Variants in BPIFB1 observed in about 807,000 individuals in gnomAD.
BPIFB1 encodes the protein BPI fold-containing family B member 1.
A neutral mutation model predicts 55.1 loss-of-function variants in BPIFB1; 34 were observed. That is an observed-to-expected ratio of 0.62 (90% CI 0.47 to 0.82). BPIFB1 has a LOEUF of 0.82. BPIFB1 is among the 40% of genes least tolerant of loss of function. The pLI is 0.00. For synonymous variants in BPIFB1, 236 were observed against 245.3 expected (o/e 0.96, Z 0.35); for missense variants, 532 against 593.1 (o/e 0.90, Z 1.07).
chr20:33,288,347 T>C (rs893683102), intron 2 of BPIFB1, among the ~76,000 whole-genome samples: 1 of 152,164 alleles, frequency 6.6e-6, no homozygotes. Context: ...TTAACAAGTG[T>C]GCTTTGGCAG....
At chr20:33,304,713 G>C in intron 12 of BPIFB1, 133 bp from the exon 13 acceptor site, 1 of 955,564 alleles carries the variant, frequency 1.0e-6, no homozygotes, top group Non-Finnish European at 1.6e-6. Context: ...CACGACGCAA[G>C]GGCTTCATGT....
intron 3 of BPIFB1, among the ~76,000 whole-genome samples, chr20:33,289,295 C>T (rs910240722): frequency 5.3e-5 from 8 of 150,816 alleles, no homozygotes; most frequent in Non-Finnish European, 8.8e-5. Flanking sequence ...GCAGGAGAAT[C>T]GCTTGAACCT....
At chr20:33,296,895 G>A (rs1257430745) in intron 6 of BPIFB1, among the ~76,000 whole-genome samples, 1 of 152,200 alleles carries the variant, frequency 6.6e-6, no homozygotes, top group Non-Finnish European at 1.5e-5. Flanking sequence ...GTAGCAACTT[G>A]CTGTATGAAT....
rs948391531 is a variant in BPIFB1, at chr20:33,306,840, C to A, written c.1319-71C>A. ...CCAGGCCGGGGCTCCCCTTCAGGAACCCTGAGCCTGCCCCTGGCTGCCCAG... is the reference window on the plus strand; with the variant it reads ...CCAGGCCGGGGCTCCCCTTCAGGAAACCTGAGCCTGCCCCTGGCTGCCCAG... On this transcript the variant is annotated intron_variant, in intron 14 of 15. Coordinates refer to ENST00000253354, the MANE Select transcript of BPIFB1 (RefSeq NM_033197.3). 5 of 1,350,292 alleles carry A rather than the reference C, an allele frequency of 3.7e-6. No homozygotes were observed. The East Asian group carries it at 9.2e-5, about 25-fold the overall frequency. 83.6% of individuals were successfully genotyped at this position (1,350,292 alleles called of 1,614,324 possible).
rs1050147599 is a variant in BPIFB1 at position 33,290,107 on chromosome 20, G to A, written c.365+115G>A. 5.0e-6 allele frequency: 4 copies of A among 795,302 alleles called. No homozygotes were observed. The African/African-American group carries it at 6.8e-5, about 14-fold the overall frequency. 49.3% of individuals were successfully genotyped at this position (795,302 alleles called of 1,614,324 possible). On this transcript the variant is annotated intron_variant, in intron 4 of 15. Transcript: ENST00000253354. ...AAGAGAGTTCCGAGCAGAGAGAAGA[G>A]CAAGTGCAGAGGCCCTGTGGCAGCA...
chr20:33,297,699 GC>G, intron 7 of BPIFB1, 111 bp downstream of exon 7: 2 of 1,126,700 alleles, frequency 1.8e-6, no homozygotes, highest in Non-Finnish European at 2.7e-6. Context: ...TGCAACTCAG[GC>G]CCAGAAGCAG....
At position 33,309,833 on chromosome 20, in the gene BPIFB1, G is replaced by C; in HGVS notation, c.*66G>C. The C allele has an allele frequency of 3.6e-6, 5 of 1,399,434 alleles. No individual in the cohort carries two copies. Among genetic ancestry groups the C allele is most frequent in the Non-Finnish European group, 5.1e-6 (5 of 987,342 alleles). The allele number at this position is 1,399,434 out of a possible 1,614,324, so 86.7% of individuals were successfully genotyped here. A position where few individuals can be genotyped will look rare whatever the true frequency, so the allele number is the denominator to read the frequency against. On this transcript the variant is annotated 3_prime_UTR_variant, in exon 16 of 16. Transcript: ENST00000253354. The surrounding 1 kb of genome is among the most constrained non-coding windows in gnomAD (Gnocchi z 4.4). Reference sequence around the variant, plus strand: ...TGGGAGTATGGGTGTGAGCTCTATAGACCATCCCTCTCTGCAATCAATAAA... The same window carrying C: ...TGGGAGTATGGGTGTGAGCTCTATACACCATCCCTCTCTGCAATCAATAAA...
intron 12 of BPIFB1, among the ~76,000 whole-genome samples, 172 bp from the exon 13 acceptor site, chr20:33,304,674 C>T (rs889954617): frequency 1.5e-4 from 23 of 152,166 alleles, no homozygotes; most frequent in African/African-American, 2.9e-4. Context: ...ATGCCCCCCA[C>T]CCCACCCCTG....
intron 7 of BPIFB1, among the ~76,000 whole-genome samples, chr20:33,298,345 G>T (rs1980721077): frequency 6.6e-6 from 1 of 152,192 alleles, no homozygotes; most frequent in South Asian, 2.1e-4. Flanking sequence ...AGCAGATACG[G>T]GAGGGCACAG....
At chr20:33,289,408 A>AC in intron 3 of BPIFB1, among the ~76,000 whole-genome samples, 1 of 151,018 alleles carries the variant, frequency 6.6e-6, no homozygotes, top group East Asian at 1.9e-4. Flanking sequence ...AAAAAAAAAA[A>AC]CAACCCAGAG....
chr20:33,299,840 A>G, intron 7 of BPIFB1, 59 bp from the exon 8 acceptor site: 3 of 1,288,094 alleles, frequency 2.3e-6, no homozygotes, highest in African/African-American at 1.5e-5. Flanking sequence ...CAGCCCCCCA[A>G]CTTCCCCCTC....
intron 4 of BPIFB1, among the ~76,000 whole-genome samples, 158 bp from the exon 5 acceptor site, chr20:33,290,799 G>A (rs1053367588): frequency 3.3e-5 from 5 of 152,246 alleles, no homozygotes; most frequent in African/African-American, 1.2e-4. Flanking sequence ...TGAAAACTGA[G>A]CCTGGGACAT....
intron 4 of BPIFB1, 114 bp from the exon 5 acceptor site, chr20:33,290,843 C>A: frequency 5.1e-6 from 6 of 1,186,528 alleles, no homozygotes; most frequent in Non-Finnish European, 7.0e-6. Context: ...TGAGGAGAAA[C>A]CAGCAAAGGA....
chr20:33,285,449 C>T (rs1980233291), intron 1 of BPIFB1, among the ~76,000 whole-genome samples: 1 of 151,628 alleles, frequency 6.6e-6, no homozygotes, highest in Non-Finnish European at 1.5e-5. Context: ...CGCGGTGGCT[C>T]ACGCCTGTAA....
intron 7 of BPIFB1, among the ~76,000 whole-genome samples, chr20:33,299,568 C>T (rs1163701777): frequency 1.3e-5 from 2 of 152,214 alleles, no homozygotes; most frequent in African/African-American, 2.4e-5. Context: ...CGACTGGGTT[C>T]CCATGCTCTC....
intron 4 of BPIFB1, 85 bp from the exon 5 acceptor site, chr20:33,290,871 AG>A: frequency 1.4e-6 from 2 of 1,446,786 alleles, no homozygotes; most frequent in Non-Finnish European, 9.4e-7. Flanking sequence ...GAAGGAGGTG[AG>A]GGCTGGAAGA....
chr20:33,302,479 G>A lies in BPIFB1; in HGVS notation c.981+67G>A, dbSNP rs1166319560. The A allele has an allele frequency of 5.2e-6, 8 of 1,536,578 alleles. No individual in the cohort carries two copies. The East Asian group carries it at 1.6e-4, about 30-fold the overall frequency. On this transcript the variant is annotated intron_variant, in intron 10 of 15. Coordinates refer to ENST00000253354, the MANE Select transcript of BPIFB1 (RefSeq NM_033197.3). ...TGGTCTGGACACAGGCCTCTGGGGAGGAGAATCTAGTGGGACTAGTGTTTC... is the reference window on the plus strand; with the variant it reads ...TGGTCTGGACACAGGCCTCTGGGGAAGAGAATCTAGTGGGACTAGTGTTTC...
At chr20:33,307,212 C>A in intron 15 of BPIFB1, 2 of 450,492 alleles carry the variant, frequency 4.4e-6, no homozygotes, top group East Asian at 7.1e-5. Flanking sequence ...ACCCCCTTGT[C>A]ATTCATTCAT....
In BPIFB1 at chr20:33,286,163, C is replaced by A. The variant is rs746658596; in HGVS notation, c.90C>A (p.Ile30=). ...QATLSPTAVL[I]LGPKVIKEKL... ...CCCTCAGTCCCACTGCAGTTCTCAT[C>A]CTCGGCCCAAAAGTCATCAAAGAAA... Residue 30 remains isoleucine, a synonymous_variant, in exon 2 of 16, where the codon ATC becomes ATA. Coordinates refer to ENST00000253354, the MANE Select transcript of BPIFB1 (RefSeq NM_033197.3). The A allele has an allele frequency of 5.6e-6, 9 of 1,614,116 alleles. No homozygotes were observed. In the East Asian group the frequency reaches 1.8e-4, roughly 32 times the overall value.
Sources: gnomAD v4.1 joint callset for allele counts (sites outside exome capture counted in the v4.1 genomes callset) on GRCh38, gnomAD v4.1.1 for gene constraint, Gnocchi (gnomAD v3.1) non-coding constraint, MANE v1.5 for transcripts, NCBI Gene and HGNC (gene_info 2026-07-23, HGNC 2026-07-21) for gene names.